Variants in NELL1 observed in about 807,000 individuals in gnomAD.
NELL1 encodes the protein protein kinase C-binding protein NELL1.
NELL1 carries 76 observed loss-of-function variants against 107.4 expected under a neutral mutation model. The ratio of observed to expected loss-of-function variants is 0.71; its 90% confidence interval spans 0.59 to 0.86. The LOEUF (loss-of-function observed/expected upper bound fraction) is 0.86. Ranked by LOEUF, NELL1 falls within the 40% of genes least tolerant of loss-of-function variation. The pLI is 0.00. For synonymous variants in NELL1, 353 were observed against 341.2 expected (o/e 1.03, Z -0.38); for missense variants, 1,024 against 1,005.5 (o/e 1.02, Z -0.25).
chr11:21,451,300 T>C (rs2133858446), intron 15 of NELL1, among the ~76,000 whole-genome samples: 1 of 152,078 alleles, frequency 6.6e-6, no homozygotes, highest in Non-Finnish European at 1.5e-5. Flanking sequence ...TTCATTAGGC[T>C]CTTCTGATTT....
intron 13 of NELL1, among the ~76,000 whole-genome samples, chr11:21,155,969 G>A (rs142991602): frequency 2.0e-5 from 3 of 152,298 alleles, no homozygotes; most frequent in African/African-American, 7.2e-5. Context: ...GCGAGCACAG[G>A]TCTTGAATAA....
chr11:21,297,126 A>C (rs1237280084), intron 14 of NELL1, among the ~76,000 whole-genome samples: 4 of 151,948 alleles, frequency 2.6e-5, no homozygotes, highest in African/African-American at 9.6e-5. Context: ...AAGGGATCAA[A>C]GGAGATTTTG....
chr11:20,959,386 C>T (rs2134213068), intron 11 of NELL1, among the ~76,000 whole-genome samples: 1 of 152,254 alleles, frequency 6.6e-6, no homozygotes, highest in Non-Finnish European at 1.5e-5. Flanking sequence ...ATGTTGATAG[C>T]AGCACAATTC....
At position 21,129,249 on chromosome 11, in the gene NELL1, G is replaced by A. The variant is rs79220379; in HGVS notation, c.1426+15535G>A. On this transcript the variant is annotated intron_variant, in intron 13 of 19. Coordinates refer to ENST00000357134, the MANE Select transcript of NELL1 (RefSeq NM_006157.5). ...AATGCCATGAAACAGAAAATAACAG[G>A]TATTGGTGAGGATGTGGAGGAACTG... Among the ~76,000 whole-genome samples the A allele has an allele frequency of 9.5e-3, 1,449 of 152,222 alleles. 63 individuals carry two copies. In the East Asian group the frequency reaches 0.11, roughly 12 times the overall value.
chr11:21,081,308 A>T (rs1383774831), intron 12 of NELL1, among the ~76,000 whole-genome samples: 1 of 152,040 alleles, frequency 6.6e-6, no homozygotes, highest in African/African-American at 2.4e-5. Flanking sequence ...CTTTTTTAAT[A>T]ATCTTTGCAG....
intron 13 of NELL1, among the ~76,000 whole-genome samples, chr11:21,200,787 A>G (rs1186405610): frequency 6.6e-6 from 1 of 152,172 alleles, no homozygotes; most frequent in Non-Finnish European, 1.5e-5. Context: ...TAAGTCTTTA[A>G]TCCATCTTGA....
intron 13 of NELL1, among the ~76,000 whole-genome samples, chr11:21,120,690 G>T (rs1469594473): frequency 6.6e-6 from 1 of 152,140 alleles, no homozygotes; most frequent in Non-Finnish European, 1.5e-5. Flanking sequence ...TCTATGAAAT[G>T]CTTTATAGAA....
chr11:21,412,083 A>G (rs1291139212), intron 15 of NELL1, among the ~76,000 whole-genome samples: 3 of 152,118 alleles, frequency 2.0e-5, no homozygotes, highest in Admixed American at 6.6e-5. Context: ...CAAGTTTGCA[A>G]TAAAGTATCA....
At chr11:21,157,204 C>A (rs193258176) in intron 13 of NELL1, among the ~76,000 whole-genome samples, 63 of 150,780 alleles carry the variant, frequency 4.2e-4, no homozygotes, top group Middle Eastern at 6.8e-3. Context: ...TATACACACA[C>A]CAAATTAAAG....
intron 15 of NELL1, among the ~76,000 whole-genome samples, chr11:21,496,150 T>C (rs554871268): frequency 1.3e-5 from 2 of 152,018 alleles, no homozygotes; most frequent in African/African-American, 2.4e-5. Flanking sequence ...TCTCAAAATT[T>C]GTACTTCTTA....
At chr11:21,006,165 A>C (rs74471806) in intron 12 of NELL1, among the ~76,000 whole-genome samples, 1 of 152,124 alleles carries the variant, frequency 6.6e-6, no homozygotes, top group East Asian at 1.9e-4. Context: ...CCCAAATTTT[A>C]TGTGTTGAAA....
rs1217465581 is a variant in NELL1 at position 20,944,908 on chromosome 11, T to C, written c.1072-2428T>C. On this transcript the variant is annotated intron_variant, in intron 10 of 19. Coordinates refer to ENST00000357134, the MANE Select transcript of NELL1 (RefSeq NM_006157.5). ...AACCCTTTTTATAAAAATAGAAGAT[T>C]TGTGAATGATTATTTTTAAAAAATC... Among the ~76,000 whole-genome samples, 4 of 152,232 alleles carry C rather than the reference T, an allele frequency of 2.6e-5. No individual in the cohort carries two copies. In the East Asian group the frequency reaches 7.7e-4, roughly 29 times the overall value.
chr11:21,041,133 G>T (rs1214451721), intron 12 of NELL1, among the ~76,000 whole-genome samples: 2 of 152,144 alleles, frequency 1.3e-5, no homozygotes, highest in East Asian at 3.9e-4. Flanking sequence ...ATTTGACATA[G>T]TACAGTGAAG....
At chr11:20,894,556 AG>A (rs1368665086) in intron 5 of NELL1, among the ~76,000 whole-genome samples, 5 of 152,252 alleles carry the variant, frequency 3.3e-5, no homozygotes, top group Non-Finnish European at 7.3e-5. Context: ...GGGAAAGTAA[AG>A]CCATACTGAG....
intron 5 of NELL1, among the ~76,000 whole-genome samples, chr11:20,917,284 A>G (rs1850278808): frequency 6.6e-6 from 1 of 151,944 alleles, no homozygotes. Flanking sequence ...AGGTGCTGTG[A>G]TCCTGTTATT....
intron 2 of NELL1, among the ~76,000 whole-genome samples, chr11:20,774,210 T>C: frequency 1.0e-5 from 1 of 95,506 alleles, no homozygotes; most frequent in African/African-American, 4.2e-5. Flanking sequence ...TCCACTTACT[T>C]TCCCTCCCTC....
Position 21,534,411 on chromosome 11 carries a change from C to A in NELL1, c.1683C>A (p.His561Gln). 6.2e-7 allele frequency: 1 copy of A among 1,613,894 alleles called. No individual in the cohort carries two copies. Among genetic ancestry groups the A allele is most frequent in the Non-Finnish European group, 8.5e-7 (1 of 1,179,846 alleles). The change falls in exon 16 of 20, where the codon CAC (histidine) becomes CAA (glutamine). Residue 561 changes from histidine to glutamine, a missense_variant. His to Gln is a conservative substitution (Grantham distance 24, BLOSUM62 0). Coordinates refer to ENST00000357134, the MANE Select transcript of NELL1 (RefSeq NM_006157.5). ...DECSEGIIEC[H>Q]NHSRCVNLPG... ...GTTCAGAGGGAATCATTGAGTGCCA[C>A]AACCATTCCCGCTGCGTTAACCTGC...
chr11:21,333,563 A>T (rs1038845998), intron 14 of NELL1, among the ~76,000 whole-genome samples: 1 of 152,032 alleles, frequency 6.6e-6, no homozygotes, highest in African/African-American at 2.4e-5. Context: ...ATGTATACAC[A>T]TATGTGTGTA....
chr11:21,136,540 G>T (rs914240892), intron 13 of NELL1, among the ~76,000 whole-genome samples: 1 of 152,154 alleles, frequency 6.6e-6, no homozygotes, highest in African/African-American at 2.4e-5. Context: ...GGGTATTGTT[G>T]AGTTCAAAGA....
Sources: gnomAD v4.1 joint callset for allele counts (sites outside exome capture counted in the v4.1 genomes callset) on GRCh38, gnomAD v4.1.1 for gene constraint, MANE v1.5 for transcripts, NCBI Gene and HGNC (gene_info 2026-07-23, HGNC 2026-07-21) for gene names.